Variants in DPP10 observed in about 807,000 individuals in gnomAD.
DPP10 encodes inactive dipeptidyl peptidase 10.
DPP10 carries 33 observed loss-of-function variants against 120.9 expected under a neutral mutation model. The observed-to-expected ratio is 0.27, with a 90% CI of 0.21 to 0.37. The LOEUF (loss-of-function observed/expected upper bound fraction) is 0.37, where lower values mean the gene tolerates loss of function less well. Among genes scored for constraint, DPP10 ranks in the 10% least tolerant of loss-of-function variants. The pLI, the probability that DPP10 is intolerant of heterozygous loss-of-function variation, is 1.00. For synonymous variants in DPP10, 337 were observed against 326.1 expected (o/e 1.03, Z -0.36); for missense variants, 816 against 942.8 (o/e 0.87, Z 1.76).
chr2:115,229,947 T>G (rs943350463), intron 1 of DPP10, among the ~76,000 whole-genome samples: 3 of 151,836 alleles, frequency 2.0e-5, no homozygotes, highest in Admixed American at 1.3e-4. Context: ...TATTTCCTAT[T>G]TCTGTGAAGA....
chr2:115,132,117 T>C (rs2050393680), intron 1 of DPP10, among the ~76,000 whole-genome samples: 1 of 151,912 alleles, frequency 6.6e-6, no homozygotes, highest in African/African-American at 2.4e-5. Flanking sequence ...TAATTTCTGA[T>C]TTGGAATTTG....
chr2:114,443,050 C>CTT (rs112562580), intron 1 of DPP10, among the ~76,000 whole-genome samples: 9 of 144,534 alleles, frequency 6.2e-5, no homozygotes, highest in African/African-American at 1.3e-4. Context: ...ATCTTCATGA[C>CTT]TTTTTTTTTT....
chr2:114,959,388 T>C (rs1006176179), intron 1 of DPP10, among the ~76,000 whole-genome samples: 57 of 152,186 alleles, frequency 3.7e-4, no homozygotes, highest in African/African-American at 1.3e-3. Flanking sequence ...TTCATCCATG[T>C]AGCATGTGTC....
At chr2:114,882,143 A>G (rs1161454969) in intron 1 of DPP10, among the ~76,000 whole-genome samples, 1 of 152,170 alleles carries the variant, frequency 6.6e-6, no homozygotes, top group Non-Finnish European at 1.5e-5. Flanking sequence ...CATTTGATCT[A>G]GCAATCCCAC....
intron 5 of DPP10, among the ~76,000 whole-genome samples, chr2:115,640,912 G>T (rs972067033): frequency 6.6e-6 from 1 of 151,876 alleles, no homozygotes; most frequent in Non-Finnish European, 1.5e-5. Flanking sequence ...TGTTTATTTT[G>T]TTTTTTTCTG....
At chr2:115,118,936 A>G (rs1317502614) in intron 1 of DPP10, among the ~76,000 whole-genome samples, 3 of 152,116 alleles carry the variant, frequency 2.0e-5, no homozygotes, top group African/African-American at 7.2e-5. Flanking sequence ...TAAGAGCAGG[A>G]GTGAAAGTTT....
chr2:115,040,682 C>T (rs1485652510), intron 1 of DPP10, among the ~76,000 whole-genome samples: 1 of 151,922 alleles, frequency 6.6e-6, no homozygotes, highest in Non-Finnish European at 1.5e-5. Flanking sequence ...ATTTCCCCCT[C>T]AGTGTTGCTC....
chr2:114,946,485 C>T (rs1697354924), intron 1 of DPP10, among the ~76,000 whole-genome samples: 1 of 151,924 alleles, frequency 6.6e-6, no homozygotes, highest in African/African-American at 2.4e-5. Context: ...TGTTTTCTTC[C>T]ACAATTAAAA....
intron 5 of DPP10, 105 bp downstream of exon 5, chr2:115,526,077 C>A: frequency 2.5e-6 from 2 of 812,652 alleles, no homozygotes; most frequent in Admixed American, 2.7e-5. Context: ...TCTGGCATGT[C>A]TAGTAACTAC....
intron 1 of DPP10, among the ~76,000 whole-genome samples, chr2:115,210,979 A>G (rs920974889): frequency 6.6e-6 from 1 of 152,198 alleles, no homozygotes; most frequent in Admixed American, 6.5e-5. Flanking sequence ...ATTGAGAAAT[A>G]TTCAAGACAT....
chr2:115,536,001 A>G (rs2078808137), intron 5 of DPP10, among the ~76,000 whole-genome samples: 1 of 152,082 alleles, frequency 6.6e-6, no homozygotes, highest in Non-Finnish European at 1.5e-5. Context: ...TATCAGCTTA[A>G]GGAGATTTTG....
chr2:114,542,075 T>A (rs1199107790), intron 1 of DPP10, among the ~76,000 whole-genome samples: 46 of 134,526 alleles, frequency 3.4e-4, no homozygotes, highest in African/African-American at 1.2e-3. Flanking sequence ...TGAGATGGAG[T>A]CTCACTCTGT....
chr2:115,677,313 T>G (rs1394535155), intron 5 of DPP10, among the ~76,000 whole-genome samples: 1 of 151,922 alleles, frequency 6.6e-6, no homozygotes, highest in Non-Finnish European at 1.5e-5. Context: ...TAAATCAATA[T>G]AGAAAATCAA....
intron 1 of DPP10, among the ~76,000 whole-genome samples, chr2:114,998,501 A>G (rs1701240517): frequency 6.6e-6 from 1 of 152,196 alleles, no homozygotes; most frequent in African/African-American, 2.4e-5. Flanking sequence ...ATACAGTCAT[A>G]GTGGGCAGCA....
At chr2:115,023,801 C>A (rs1404648662) in intron 1 of DPP10, among the ~76,000 whole-genome samples, 3 of 152,044 alleles carry the variant, frequency 2.0e-5, no homozygotes, top group Non-Finnish European at 2.9e-5. Context: ...CTGTGGTATA[C>A]ATATATCCCA....
chr2:115,796,766 A>C (rs972362274), intron 19 of DPP10, among the ~76,000 whole-genome samples: 4 of 152,062 alleles, frequency 2.6e-5, no homozygotes, highest in African/African-American at 9.7e-5. Context: ...CTTGCTGAGA[A>C]TATTTAGACA....
rs540816767 is a variant in DPP10 at position 115,157,703 on chromosome 2, T to C, written c.61-151536T>C. On this transcript the variant is annotated intron_variant, in intron 1 of 25. Transcript: ENST00000410059. ...GAGGTGAGTAGAGGTCATTCATAAA[T>C]CGAAACCAAATGATAGCAGAAGATA... Among the ~76,000 whole-genome samples, 4 of 152,260 alleles carry C rather than the reference T, an allele frequency of 2.6e-5. No homozygotes were observed. In the East Asian group the frequency reaches 7.7e-4, roughly 29 times the overall value.
At chr2:114,625,343 A>T (rs551756762) in intron 1 of DPP10, among the ~76,000 whole-genome samples, 2 of 152,078 alleles carry the variant, frequency 1.3e-5, no homozygotes, top group South Asian at 4.1e-4. Context: ...GTAGGATCAA[A>T]GTTAGATATG....
chr2:114,804,075 C>T (rs1684509123), intron 1 of DPP10, among the ~76,000 whole-genome samples: 1 of 152,198 alleles, frequency 6.6e-6, no homozygotes, highest in African/African-American at 2.4e-5. Context: ...CCTGCTCCAG[C>T]CATTGCTGAA....
Sources: allele counts gnomAD v4.1 joint callset (sites outside exome capture counted in the v4.1 genomes callset), GRCh38; gene constraint gnomAD v4.1.1; transcripts MANE v1.5; gene names NCBI Gene and HGNC (gene_info 2026-07-23, HGNC 2026-07-21).